The following FLT1 variants were observed in gnomAD, a reference collection of about 807,000 sequenced individuals.
FLT1 encodes the protein fms related receptor tyrosine kinase 1.
Under a neutral mutation model 156.3 loss-of-function variants are expected in FLT1, and 49 were observed. The ratio of observed to expected loss-of-function variants is 0.31; its 90% confidence interval spans 0.25 to 0.40. The LOEUF (loss-of-function observed/expected upper bound fraction) is 0.40. FLT1 is among the 10% of genes least tolerant of loss of function. The pLI, the probability that FLT1 is intolerant of heterozygous loss-of-function variation, is 1.00. For synonymous variants in FLT1, 594 were observed against 583.8 expected, an observed-to-expected ratio of 1.02 and a Z score of -0.25; for missense variants, 1,322 against 1,637.2, an observed-to-expected ratio of 0.81 and a Z score of 3.32.
intron 10 of FLT1, among the ~76,000 whole-genome samples, chr13:28,419,551 A>T (rs1876860797): frequency 6.6e-6 from 1 of 152,222 alleles, no homozygotes; most frequent in South Asian, 2.1e-4. Flanking sequence ...TAACCTGAGA[A>T]GCTACACTGA....
intron 3 of FLT1, among the ~76,000 whole-genome samples, chr13:28,445,468 A>G (rs1412750780): frequency 1.3e-5 from 2 of 152,130 alleles, no homozygotes; most frequent in Non-Finnish European, 2.9e-5. Flanking sequence ...GAGCTAGACT[A>G]AAAAGAAATG....
At chr13:28,478,515 G>A (rs771797328) in intron 1 of FLT1, among the ~76,000 whole-genome samples, 19 of 152,302 alleles carry the variant, frequency 1.2e-4, no homozygotes, top group African/African-American at 2.9e-4. Context: ...GATCAATTCC[G>A]TATAGGAGCT....
At chr13:28,368,567 A>G (rs1470547938) in intron 14 of FLT1, 55 of 1,474,278 alleles carry the variant, frequency 3.7e-5, no homozygotes, top group Middle Eastern at 1.7e-4. Flanking sequence ...TGATGATGAT[A>G]ATGATGATAG....
intron 3 of FLT1, among the ~76,000 whole-genome samples, chr13:28,444,372 C>T (rs1209739169): frequency 6.6e-6 from 1 of 151,290 alleles, no homozygotes; most frequent in Non-Finnish European, 1.5e-5. Flanking sequence ...ACCCAGGAGG[C>T]AGATGTTGCA....
At chr13:28,380,681 G>A (rs143766186) in intron 14 of FLT1, among the ~76,000 whole-genome samples, 2 of 152,104 alleles carry the variant, frequency 1.3e-5, no homozygotes, top group African/African-American at 4.8e-5. Flanking sequence ...AAAGCTGGGT[G>A]GTGGAGGGGT....
Position 28,495,083 on chromosome 13 carries a change from G to A in FLT1, c.-240C>T. The stretch of plus-strand genomic sequence containing the variant: ...GCCGCCGCTGCCGGGGAGGAGCCGA[G>A]AGGAGTGTCCGCCTGGCGCGCTCCG... On this transcript the variant is annotated 5_prime_UTR_variant, in exon 1 of 30. Transcript: ENST00000282397. This position sits in a 1 kb window ranked among gnomAD's most constrained non-coding sequence, Gnocchi z 4.1. 2.2e-6 allele frequency: 1 copy of A among 463,384 alleles called. No homozygotes were observed. Among genetic ancestry groups the A allele is most frequent in the Non-Finnish European group, 3.8e-6 (1 of 266,522 alleles). 28.7% of individuals were successfully genotyped at this position (463,384 alleles called of 1,614,324 possible). A position where few individuals can be genotyped will look rare whatever the true frequency, so the allele number is the denominator to read the frequency against.
intron 6 of FLT1, among the ~76,000 whole-genome samples, chr13:28,432,561 C>G (rs1016552085): frequency 2.0e-5 from 3 of 152,188 alleles, no homozygotes; most frequent in African/African-American, 7.2e-5. Context: ...CTGCAGCCAC[C>G]AGCCACGTGT....
chr13:28,441,517 C>T (rs1160972406), intron 3 of FLT1, among the ~76,000 whole-genome samples: 1 of 152,166 alleles, frequency 6.6e-6, no homozygotes, highest in Non-Finnish European at 1.5e-5. Flanking sequence ...GCTGTAGACC[C>T]ATACAGATTC....
chr13:28,407,993 A>C (rs1875911862), intron 10 of FLT1, among the ~76,000 whole-genome samples: 1 of 152,200 alleles, frequency 6.6e-6, no homozygotes, highest in African/African-American at 2.4e-5. Context: ...ATGAGTGTAT[A>C]TAATGTGCAC....
chr13:28,407,068 TGG>T (rs1875852048), intron 10 of FLT1, among the ~76,000 whole-genome samples: 1 of 151,820 alleles, frequency 6.6e-6, no homozygotes, highest in Non-Finnish European at 1.5e-5. Flanking sequence ...GCTGACTTAA[TGG>T]TTCTGAGTCC....
At chr13:28,437,140 G>A (rs1271220718) in intron 4 of FLT1, among the ~76,000 whole-genome samples, 1 of 152,128 alleles carries the variant, frequency 6.6e-6, no homozygotes, top group Non-Finnish European at 1.5e-5. Flanking sequence ...GACCAACTGA[G>A]GAGTTCAACT....
At chr13:28,467,772 A>C (rs1183129276) in intron 1 of FLT1, among the ~76,000 whole-genome samples, 155 bp from the exon 2 acceptor site, 2 of 152,210 alleles carry the variant, frequency 1.3e-5, no homozygotes, top group East Asian at 3.9e-4. Flanking sequence ...ACACTAATAC[A>C]AATTTCTCTT....
At chr13:28,355,748 C>G (rs1853581) in intron 15 of FLT1, among the ~76,000 whole-genome samples, 1 of 152,006 alleles carries the variant, frequency 6.6e-6, no homozygotes, top group Non-Finnish European at 1.5e-5. Flanking sequence ...CTAATCCAAT[C>G]TGGAAGGCCC....
chr13:28,494,840 C>G lies in FLT1; in HGVS notation c.4G>C (p.Val2Leu). 5 of 1,560,922 alleles carry G rather than the reference C, an allele frequency of 3.2e-6. No homozygotes were observed. Among genetic ancestry groups the G allele is most frequent in the Non-Finnish European group, 2.6e-6 (3 of 1,159,484 alleles). ...AGGACCCCGGTGTCCCAGTAGCTGA[C>G]CATGGTGAGCGCGACGCGGCCTGCT... M[V>L]SYWDTGVLLC... is the part of the protein sequence containing the mutation. The change falls in exon 1 of 30, where the codon GTC becomes CTC. Residue 2 changes from valine to leucine, a missense_variant. Physicochemically the swap from Val to Leu is conservative, Grantham distance 32 (BLOSUM62 1). Around this residue, in one of 3 missense-constraint regions of FLT1, gnomAD observed 991 missense variants for 1,254.8 expected, o/e 0.79. Transcript: ENST00000282397.
intron 12 of FLT1, among the ~76,000 whole-genome samples, chr13:28,394,081 T>C (rs981559408): frequency 1.3e-5 from 2 of 152,230 alleles, no homozygotes; most frequent in Non-Finnish European, 2.9e-5. Context: ...ACAACATTCA[T>C]GAGTCTTTAC....
At chr13:28,466,269 T>C (rs1398015311) in intron 3 of FLT1, among the ~76,000 whole-genome samples, 1 of 152,210 alleles carries the variant, frequency 6.6e-6, no homozygotes, top group Non-Finnish European at 1.5e-5. Flanking sequence ...AACAGTATCA[T>C]AAAAATTATG....
chr13:28,412,995 T>C (rs1876405248), intron 10 of FLT1, among the ~76,000 whole-genome samples: 1 of 152,088 alleles, frequency 6.6e-6, no homozygotes, highest in South Asian at 2.1e-4. Context: ...GCCTTCAGGG[T>C]GGTCACAGGG....
At chr13:28,305,800 C>T (rs1426763608) in intron 29 of FLT1, among the ~76,000 whole-genome samples, 27 of 152,108 alleles carry the variant, frequency 1.8e-4, no homozygotes, top group Admixed American at 1.6e-3. Context: ...AGCTTACCAG[C>T]GATTGTCAGT....
rs1873508373 is a variant in FLT1 at position 28,370,401 on chromosome 13, G to GT, written c.2117-12717_2117-12716insA. On this transcript the variant is annotated intron_variant, in intron 14 of 29. Coordinates refer to ENST00000282397, the MANE Select transcript of FLT1 (RefSeq NM_002019.4). ...TTAATGGGTGCAGCACACCAACATG[G>GT]CACATGTATACATATGTAACAAACC... 4.6e-5 allele frequency among the ~76,000 whole-genome samples: 7 copies of GT among 152,166 alleles called. No individual in the cohort carries two copies. In the East Asian group the frequency reaches 1.2e-3, roughly 25 times the overall value.
Sources: gnomAD v4.1 joint callset for allele counts (sites outside exome capture counted in the v4.1 genomes callset) on GRCh38, gnomAD v4.1.1 for gene constraint, gnomAD v4.1.1 regional missense constraint, Gnocchi (gnomAD v3.1) non-coding constraint, MANE v1.5 for transcripts, NCBI Gene and HGNC (gene_info 2026-07-23, HGNC 2026-07-21) for gene names.